Variants in RASA1 observed in about 807,000 individuals in gnomAD.
RASA1 encodes ras GTPase-activating protein 1.
In RASA1, 25 loss-of-function variants were observed where a neutral mutation model predicts 132.2. The ratio of observed to expected loss-of-function variants is 0.19; its 90% confidence interval spans 0.14 to 0.26. The LOEUF (loss-of-function observed/expected upper bound fraction) is 0.26. Among genes scored for constraint, RASA1 ranks in the 10% least tolerant of loss-of-function variants. The probability of loss-of-function intolerance (pLI) is 1.00; values close to 1 mark genes in which losing one functional copy is unlikely to be tolerated. For missense variants in RASA1, 964 were observed against 1,299.2 expected (o/e 0.74, Z 3.97); for synonymous variants, 477 against 449.9 (o/e 1.06, Z -0.76).
Position 87,376,874 on chromosome 5 carries a change from A to AT in RASA1, c.2185-3dup. ...ACTTTAAACAATCTTTTAAAATGTC[A>AT]TTTTAGCTTATACTGCAAAAGGAAC... On this transcript the variant is annotated splice_polypyrimidine_tract_variant and splice_region_variant and intron_variant, in intron 16 of 24. Coordinates refer to ENST00000274376, the MANE Select transcript of RASA1 (RefSeq NM_002890.3). 1 of 1,592,816 alleles carries AT rather than the reference A, an allele frequency of 6.3e-7. No homozygotes were observed. Among genetic ancestry groups the AT allele is most frequent in the Non-Finnish European group, 8.6e-7 (1 of 1,160,650 alleles).
intron 20 of RASA1, 125 bp from the exon 21 acceptor site, chr5:87,383,588 T>G: frequency 1.6e-6 from 1 of 636,490 alleles, no homozygotes. Context: ...TTTCTTTTAT[T>G]GGTTTAGAGT....
At position 87,268,193 on chromosome 5, in the gene RASA1, G is replaced by C. The variant is rs1052100280; in HGVS notation, c.-259G>C. ...TGTTTGTGTGCGTGAGTGTGGGTGT[G>C]TGCGGTGAGGTTTGGGTGGCGTTTG... On this transcript the variant is annotated 5_prime_UTR_variant, in exon 1 of 25. Transcript: ENST00000274376. The C allele has an allele frequency of 6.3e-5, 35 of 558,466 alleles. No homozygotes were observed. The highest frequency in any genetic ancestry group is 5.7e-4 in the African/African-American group (30 of 53,034). 34.6% of individuals were successfully genotyped at this position (558,466 alleles called of 1,614,324 possible).
intron 21 of RASA1, 50 bp from the exon 22 acceptor site, chr5:87,385,251 G>C (rs1004959968): frequency 8.8e-7 from 1 of 1,141,570 alleles, no homozygotes; most frequent in Non-Finnish European, 1.3e-6. Flanking sequence ...TGGTTTAGCT[G>C]GAAGTGCTGT....
intron 1 of RASA1, among the ~76,000 whole-genome samples, chr5:87,293,249 GA>G (rs1432540253): frequency 4.7e-5 from 7 of 149,988 alleles, no homozygotes; most frequent in Admixed American, 2.0e-4. Context: ...TTTTTTGGTA[GA>G]TTTTTTTTTT....
At chr5:87,279,570 A>G (rs1183960007) in intron 1 of RASA1, among the ~76,000 whole-genome samples, 1 of 152,210 alleles carries the variant, frequency 6.6e-6, no homozygotes, top group Admixed American at 6.5e-5. Flanking sequence ...CACTTTTATA[A>G]GAAATTGCCA....
chr5:87,277,257 CTT>C (rs1211349051), intron 1 of RASA1, among the ~76,000 whole-genome samples: 1 of 152,160 alleles, frequency 6.6e-6, no homozygotes, highest in African/African-American at 2.4e-5. Context: ...CCAGATAAAA[CTT>C]AACGTACTTC....
At chr5:87,379,596 T>G in intron 18 of RASA1, 139 bp from the exon 19 acceptor site, 1 of 1,207,706 alleles carries the variant, frequency 8.3e-7, no homozygotes. Context: ...AAACTCCCAT[T>G]ATACAAAGAA....
At chr5:87,287,580 TATATATACACCATACATATACAC>T (rs1754689901) in intron 1 of RASA1, among the ~76,000 whole-genome samples, 3 of 148,928 alleles carry the variant, frequency 2.0e-5, no homozygotes, top group African/African-American at 7.4e-5. Flanking sequence ...ATACACACCA[TATATATACACCATACATATACAC>T]GCCATATATA....
At chr5:87,367,839 A>C (rs1018016850) in intron 11 of RASA1, among the ~76,000 whole-genome samples, 1 of 152,022 alleles carries the variant, frequency 6.6e-6, no homozygotes, top group Non-Finnish European at 1.5e-5. Context: ...TGTCATTCAA[A>C]TTGTTTCTGT....
At chr5:87,344,719 A>G (rs1414600139) in intron 6 of RASA1, among the ~76,000 whole-genome samples, 1 of 133,502 alleles carries the variant, frequency 7.5e-6, no homozygotes, top group Non-Finnish European at 1.5e-5. Context: ...AGGTCTTACT[A>G]TGCTGCCCAG....
At chr5:87,351,189 A>T (rs1249610146) in intron 8 of RASA1, among the ~76,000 whole-genome samples, 1 of 151,704 alleles carries the variant, frequency 6.6e-6, no homozygotes, top group Non-Finnish European at 1.5e-5. Context: ...TTAAAAAAAA[A>T]AAGCAGAAGA....
At chr5:87,277,462 A>G (rs1367100268) in intron 1 of RASA1, among the ~76,000 whole-genome samples, 1 of 152,198 alleles carries the variant, frequency 6.6e-6, no homozygotes, top group Non-Finnish European at 1.5e-5. Flanking sequence ...AAGAGGTACC[A>G]GGAGTATGAG....
chr5:87,287,271 G>A (rs182279613), intron 1 of RASA1, among the ~76,000 whole-genome samples: 20 of 108,566 alleles, frequency 1.8e-4, no homozygotes, highest in Admixed American at 5.9e-4. Flanking sequence ...CATATACACC[G>A]TATATATACA....
chr5:87,317,794 C>G (rs1308361636), intron 1 of RASA1, among the ~76,000 whole-genome samples: 1 of 152,036 alleles, frequency 6.6e-6, no homozygotes, highest in Non-Finnish European at 1.5e-5. Context: ...TACCACCACA[C>G]TCAGCTAATT....
At chr5:87,316,664 A>G (rs1262068379) in intron 1 of RASA1, among the ~76,000 whole-genome samples, 1 of 152,174 alleles carries the variant, frequency 6.6e-6, no homozygotes, top group Non-Finnish European at 1.5e-5. Flanking sequence ...TCTGTTTTTA[A>G]TACCCTGTGC....
chr5:87,297,841 A>G (rs1755191207), intron 1 of RASA1, among the ~76,000 whole-genome samples: 1 of 152,062 alleles, frequency 6.6e-6, no homozygotes, highest in Non-Finnish European at 1.5e-5. Flanking sequence ...TTTAATTGTC[A>G]TTTGTTGGCA....
intron 1 of RASA1, among the ~76,000 whole-genome samples, chr5:87,307,623 A>C (rs1370214708): frequency 6.6e-6 from 1 of 152,228 alleles, no homozygotes; most frequent in African/African-American, 2.4e-5. Context: ...TTTCTTGAAT[A>C]ACTGTTATAG....
chr5:87,276,354 G>A (rs1231937431), intron 1 of RASA1, among the ~76,000 whole-genome samples: 6 of 152,062 alleles, frequency 3.9e-5, no homozygotes, highest in African/African-American at 1.4e-4. Context: ...TGAAATCACT[G>A]GCAGTACATT....
intron 1 of RASA1, among the ~76,000 whole-genome samples, chr5:87,304,908 T>G (rs947477702): frequency 2.6e-5 from 4 of 151,700 alleles, no homozygotes; most frequent in Non-Finnish European, 4.4e-5. Flanking sequence ...TTTTTAACTT[T>G]TTTTTTTGGC....
Sources: allele counts gnomAD v4.1 joint callset (sites outside exome capture counted in the v4.1 genomes callset), GRCh38; gene constraint gnomAD v4.1.1; transcripts MANE v1.5; gene names NCBI Gene and HGNC (gene_info 2026-07-23, HGNC 2026-07-21).